The following FBH1 variants were observed in gnomAD, a reference collection of about 807,000 sequenced individuals.
FBH1 encodes the protein F-box DNA helicase 1, also known as DNA 3'-5' helicase 1.
In FBH1, 43 loss-of-function variants were observed where a neutral mutation model predicts 115.5. The observed-to-expected ratio is 0.37, with a 90% CI of 0.29 to 0.48. The LOEUF (loss-of-function observed/expected upper bound fraction) is 0.48. Among genes scored for constraint, FBH1 ranks in the 20% least tolerant of loss-of-function variants. The pLI is 0.99. For missense variants in FBH1, 1,001 were observed against 1,337.3 expected, an observed-to-expected ratio of 0.75 and a Z score of 3.92; for synonymous variants, 524 against 507.8, an observed-to-expected ratio of 1.03 and a Z score of -0.43.
Position 5,917,177 on chromosome 10 carries a change from A to G in FBH1, c.1789-243A>G, listed in dbSNP as rs142338087. ...AATTTGGCCTTTTCTGGTTCACCTA[A>G]CTGTTATGATCTCTGTCCTGTCACG... On this transcript the variant is annotated intron_variant, in intron 10 of 20. Coordinates refer to ENST00000362091, the MANE Select transcript of FBH1 (RefSeq NM_178150.3). This position sits in a 1 kb window ranked among gnomAD's most constrained non-coding sequence, Gnocchi z 5.6. 1,876 of 514,776 alleles carry G rather than the reference A, an allele frequency of 3.6e-3. 12 individuals carry two copies. The highest frequency in any genetic ancestry group is 0.019 in the Middle Eastern group (37 of 1,934). 31.9% of individuals were successfully genotyped at this position (514,776 alleles called of 1,614,324 possible). A position where few individuals can be genotyped will look rare whatever the true frequency, so the allele number is the denominator to read the frequency against.
Position 5,900,316 on chromosome 10 carries a change from A to G in FBH1, c.2-2704A>G, listed in dbSNP as rs775055087. On this transcript the variant is annotated intron_variant, in intron 1 of 20. Coordinates refer to ENST00000362091, the MANE Select transcript of FBH1 (RefSeq NM_178150.3). The surrounding 1 kb of genome is among the most constrained non-coding windows in gnomAD (Gnocchi z 4.2). Reference sequence around the variant, plus strand: ...ATCTGTTCCTGATGACACTTATCAGACTTAGATGAGATTGGGCGCGTTCAG... The same window carrying G: ...ATCTGTTCCTGATGACACTTATCAGGCTTAGATGAGATTGGGCGCGTTCAG... Among the ~76,000 whole-genome samples the G allele has an allele frequency of 6.6e-6, 1 of 152,186 alleles. No individual in the cohort carries two copies. The highest frequency in any genetic ancestry group is 1.5e-5 in the Non-Finnish European group (1 of 68,034).
intron 2 of FBH1, among the ~76,000 whole-genome samples, chr10:5,905,538 A>G (rs1022066094): frequency 3.3e-5 from 5 of 152,228 alleles, no homozygotes; most frequent in African/African-American, 1.2e-4. Flanking sequence ...AAATACATAA[A>G]TAAAAAAGAA....
In FBH1 at chr10:5,915,800, A is replaced by C; in HGVS notation, c.1565+229A>C. The stretch of plus-strand genomic sequence containing the variant: ...CCGTCTTGCCAAGAGGGGTGTTCTC[A>C]TGGAAGTGAGGCACAGAAAGTCAAA... On this transcript the variant is annotated intron_variant, in intron 9 of 20. Coordinates refer to ENST00000362091, the MANE Select transcript of FBH1 (RefSeq NM_178150.3). The surrounding 1 kb of genome is among the most constrained non-coding windows in gnomAD (Gnocchi z 5.2). 1 of 545,116 alleles carries C rather than the reference A, an allele frequency of 1.8e-6. No individual in the cohort carries two copies. Among genetic ancestry groups the C allele is most frequent in the Non-Finnish European group, 3.3e-6 (1 of 306,432 alleles). The allele number at this position is 545,116 out of a possible 1,614,324, so 33.8% of individuals were successfully genotyped here.
At position 5,906,563 on chromosome 10, in the gene FBH1, G is replaced by T. The variant is rs779474513; in HGVS notation, c.684G>T (p.Pro228=). Residue 228 remains proline (P), a synonymous_variant, in exon 3 of 21, where the codon CCG becomes CCT. Transcript: ENST00000362091. This position sits in a 1 kb window ranked among gnomAD's most constrained non-coding sequence, Gnocchi z 7.3. ...EVLRHVFAFL[P]VEDLYWNLSL... ...TGAGGCACGTGTTTGCCTTCCTCCC[G>T]GTGGAAGACCTCTATTGGAACCTGA... 2.5e-6 allele frequency: 4 copies of T among 1,613,792 alleles called. No individual in the cohort carries two copies. Among genetic ancestry groups the T allele is most frequent in the African/African-American group, 1.3e-5 (1 of 74,922 alleles).
chr10:5,891,123 A>C, intron 1 of FBH1: 1 of 985,586 alleles, frequency 1.0e-6, no homozygotes, highest in Non-Finnish European at 1.2e-6. Flanking sequence ...ACAGGTAATA[A>C]AGTCTTCTGG....
At chr10:5,902,912 C>T in intron 1 of FBH1, 108 bp from the exon 2 acceptor site, 2 of 1,114,888 alleles carry the variant, frequency 1.8e-6, no homozygotes, top group Non-Finnish European at 2.4e-6. Flanking sequence ...GGGGTGTTGA[C>T]AAAATCGTGT....
rs557349142 is a variant in FBH1 at position 5,932,978 on chromosome 10, A to G, written c.2830-3478A>G. Among the ~76,000 whole-genome samples the G allele has an allele frequency of 4.6e-5, 7 of 152,054 alleles. No individual in the cohort carries two copies. The highest frequency in any genetic ancestry group is 8.8e-5 in the Non-Finnish European group (6 of 67,978). On this transcript the variant is annotated intron_variant, in intron 19 of 20. Transcript: ENST00000362091. This position sits in a 1 kb window ranked among gnomAD's most constrained non-coding sequence, Gnocchi z 5.9. ...TGATCTGCCCTGCCTTAGCCTCCCAAAGTGCTAGGATTACAGGCATGAGCC... is the reference window on the plus strand; with the variant it reads ...TGATCTGCCCTGCCTTAGCCTCCCAGAGTGCTAGGATTACAGGCATGAGCC...
In FBH1 at chr10:5,910,053, G is replaced by A. The variant is rs1204586511; in HGVS notation, c.1020+759G>A. Among the ~76,000 whole-genome samples the A allele has an allele frequency of 6.6e-6, 1 of 152,160 alleles. No individual in the cohort carries two copies. Among genetic ancestry groups the A allele is most frequent in the Non-Finnish European group, 1.5e-5 (1 of 68,016 alleles). On this transcript the variant is annotated intron_variant, in intron 5 of 20. Coordinates refer to ENST00000362091, the MANE Select transcript of FBH1 (RefSeq NM_178150.3). The surrounding 1 kb of genome is among the most constrained non-coding windows in gnomAD (Gnocchi z 4.8). ...TCCCAGCACTTTGTGAGGCCAAGGC[G>A]GGTGGATCACCTGAGGTCAGGAGTT...
chr10:5,911,212 C>A lies in FBH1; in HGVS notation c.1211+84C>A. On this transcript the variant is annotated intron_variant, in intron 6 of 20. Coordinates refer to ENST00000362091, the MANE Select transcript of FBH1 (RefSeq NM_178150.3). This position sits in a 1 kb window ranked among gnomAD's most constrained non-coding sequence, Gnocchi z 5.4. ...CAGCAGGTCCAGCCCTGCCACTTAG[C>A]AGTGTTAGCACCTGGCAGGCTGTGG... 1 of 1,373,538 alleles carries A rather than the reference C, an allele frequency of 7.3e-7. No homozygotes were observed. The highest frequency in any genetic ancestry group is 1.0e-6 in the Non-Finnish European group (1 of 1,001,206). The allele number at this position is 1,373,538 out of a possible 1,614,324, so 85.1% of individuals were successfully genotyped here. A position where few individuals can be genotyped will look rare whatever the true frequency, so the allele number is the denominator to read the frequency against.
chr10:5,925,275 G>A lies in FBH1; in HGVS notation c.2597-92G>A, dbSNP rs946478047. ...CTGCACTGAGGCAAGAAATGTTCGA[G>A]TTCAGAGTCAAGTGGGAAACATGTA... On this transcript the variant is annotated intron_variant, in intron 17 of 20. Transcript: ENST00000362091. The surrounding 1 kb of genome is among the most constrained non-coding windows in gnomAD (Gnocchi z 4.6). 4.9e-5 allele frequency: 74 copies of A among 1,508,288 alleles called. No homozygotes were observed. Among genetic ancestry groups the A allele is most frequent in the Non-Finnish European group, 6.0e-5 (67 of 1,109,504 alleles). The allele number at this position is 1,508,288 out of a possible 1,614,324, so 93.4% of individuals were successfully genotyped here.
intron 19 of FBH1, among the ~76,000 whole-genome samples, chr10:5,930,125 C>A (rs1832886249): frequency 2.0e-5 from 3 of 152,132 alleles, no homozygotes; most frequent in Admixed American, 2.0e-4. Flanking sequence ...ACAAATCATA[C>A]CTATATGTAC....
In FBH1 at chr10:5,900,043, T is replaced by C. The variant is rs1404302523; in HGVS notation, c.2-2977T>C. Reference sequence around the variant, plus strand: ...CATCAAAGTGGAGGGGGTGTTTGCTTTTCTGTTCATAATAAGCGAGACATG... The same window carrying C: ...CATCAAAGTGGAGGGGGTGTTTGCTCTTCTGTTCATAATAAGCGAGACATG... On this transcript the variant is annotated intron_variant, in intron 1 of 20. Transcript: ENST00000362091. The surrounding 1 kb of genome is among the most constrained non-coding windows in gnomAD (Gnocchi z 4.2). Among the ~76,000 whole-genome samples, 2 of 152,168 alleles carry C rather than the reference T, an allele frequency of 1.3e-5. No individual in the cohort carries two copies. The highest frequency in any genetic ancestry group is 1.9e-4 in the East Asian group (1 of 5,196).
chr10:5,909,259 C>T lies in FBH1; in HGVS notation c.985C>T (p.Arg329Trp), dbSNP rs573293139. 6 of 1,612,174 alleles carry T rather than the reference C, an allele frequency of 3.7e-6. No homozygotes were observed. The highest frequency in any genetic ancestry group is 2.2e-5 in the East Asian group (1 of 44,878). Residue 329 changes from arginine to tryptophan, a missense_variant, in exon 5 of 21, where the codon CGG becomes TGG. By Grantham distance (101) the Arg-to-Trp change is moderately radical. This residue lies in a region of FBH1 where 420 missense variants were observed against 430.4 expected (regional missense o/e 0.98). Transcript: ENST00000362091. This position sits in a 1 kb window ranked among gnomAD's most constrained non-coding sequence, Gnocchi z 4.4. ...PLLPEAEACV[R>W]QHLPDLYAAA... is the part of the protein sequence containing the mutation. ...CCTCCCCGAGGCTGAGGCGTGTGTG[C>T]GGCAACACCTCCCCGACCTCTACGC...
At chr10:5,901,150 T>C (rs1262831757) in intron 1 of FBH1, among the ~76,000 whole-genome samples, 1 of 152,218 alleles carries the variant, frequency 6.6e-6, no homozygotes, top group Non-Finnish European at 1.5e-5. Context: ...TGGCATTTGA[T>C]ACCATAGTTT....
chr10:5,892,112 GTAAGC>G (rs1475211475), intron 1 of FBH1, among the ~76,000 whole-genome samples: 1 of 152,206 alleles, frequency 6.6e-6, no homozygotes, highest in Non-Finnish European at 1.5e-5. Flanking sequence ...GATCTGAACA[GTAAGC>G]TAATGGATGG....
chr10:5,891,641 G>A (rs771651023), intron 1 of FBH1, among the ~76,000 whole-genome samples: 48 of 152,132 alleles, frequency 3.2e-4, no homozygotes, highest in Non-Finnish European at 5.9e-4. Flanking sequence ...ACAGAGTCTC[G>A]CTCTGTTGCT....
Position 5,917,524 on chromosome 10 carries a change from TG to T in FBH1, c.1876+19del. 2 of 1,613,900 alleles carry T rather than the reference TG, an allele frequency of 1.2e-6. No homozygotes were observed. The highest frequency in any genetic ancestry group is 1.7e-6 in the Non-Finnish European group (2 of 1,179,836). ...CTCATGACGGTAGGCGGCTGCCGAA[TG>T]GCGGGGACTGGCCAATGGGACTGCC... On this transcript the variant is annotated intron_variant, in intron 11 of 20. Coordinates refer to ENST00000362091, the MANE Select transcript of FBH1 (RefSeq NM_178150.3). This position sits in a 1 kb window ranked among gnomAD's most constrained non-coding sequence, Gnocchi z 5.6.
At chr10:5,912,559 TAAAGG>T (rs1831668879) in intron 6 of FBH1, among the ~76,000 whole-genome samples, 1 of 152,020 alleles carries the variant, frequency 6.6e-6, no homozygotes, top group African/African-American at 2.4e-5. Flanking sequence ...TGCAAGCCCT[TAAAGG>T]AAGGTGGCTA....
In FBH1 at chr10:5,917,594, C is replaced by T; in HGVS notation, c.1881C>T (p.Tyr627=). The change falls in exon 12 of 21, where the codon TAC becomes TAT. Residue 627 remains tyrosine, a synonymous_variant. Transcript: ENST00000362091. The surrounding 1 kb of genome is among the most constrained non-coding windows in gnomAD (Gnocchi z 5.6). ...CTGCGTCTCTCCTTATTTTAGGCTA[C>T]TTGAAACTCTGGCAGCTGAGCAAGC... ...EEAHQMTHDG[Y]LKLWQLSKPS... The T allele has an allele frequency of 1.2e-6, 2 of 1,614,172 alleles. No homozygotes were observed. The highest frequency in any genetic ancestry group is 1.7e-6 in the Non-Finnish European group (2 of 1,180,024).
Sources: gnomAD v4.1 joint callset for allele counts (sites outside exome capture counted in the v4.1 genomes callset) on GRCh38, gnomAD v4.1.1 for gene constraint, gnomAD v4.1.1 regional missense constraint, Gnocchi (gnomAD v3.1) non-coding constraint, MANE v1.5 for transcripts, NCBI Gene and HGNC (gene_info 2026-07-23, HGNC 2026-07-21) for gene names.